The following KCNK2 variants were observed in gnomAD, a reference collection of about 807,000 sequenced individuals.
KCNK2 encodes the protein potassium channel subfamily K member 2.
Under a neutral mutation model 40.5 loss-of-function variants are expected in KCNK2, and 21 were observed. The observed-to-expected ratio is 0.52, with a 90% CI of 0.37 to 0.75. The LOEUF (loss-of-function observed/expected upper bound fraction) is 0.75. KCNK2 is among the 30% of genes least tolerant of loss of function. The pLI, the probability that KCNK2 is intolerant of heterozygous loss-of-function variation, is 0.00. For missense variants in KCNK2, 399 were observed against 531.6 expected, an observed-to-expected ratio of 0.75 and a Z score of 2.45; for synonymous variants, 191 against 202.2, an observed-to-expected ratio of 0.94 and a Z score of 0.47.
chr1:215,015,201 A>T (rs1656544001), intron 1 of KCNK2, among the ~76,000 whole-genome samples: 1 of 152,018 alleles, frequency 6.6e-6, no homozygotes, highest in Non-Finnish European at 1.5e-5. Flanking sequence ...AGTGTCTCAG[A>T]TGTGAATTCT....
At chr1:215,038,518 T>C (rs1331823283) in intron 1 of KCNK2, among the ~76,000 whole-genome samples, 1 of 152,050 alleles carries the variant, frequency 6.6e-6, no homozygotes, top group Non-Finnish European at 1.5e-5. Flanking sequence ...ATCTAGAAAG[T>C]TCTGTCTAAG....
At chr1:215,093,739 TA>T (rs1212500407) in intron 2 of KCNK2, among the ~76,000 whole-genome samples, 5 of 86,022 alleles carry the variant, frequency 5.8e-5, no homozygotes, top group African/African-American at 2.4e-4. Flanking sequence ...TAATATATAA[TA>T]TAAAAATATA....
intron 1 of KCNK2, among the ~76,000 whole-genome samples, chr1:215,057,044 T>C (rs1218977361): frequency 6.6e-6 from 1 of 152,188 alleles, no homozygotes; most frequent in Non-Finnish European, 1.5e-5. Context: ...GTAAGTTTAT[T>C]ACTTTGCCTT....
At chr1:215,212,884 C>A (rs1484567486) in intron 6 of KCNK2, among the ~76,000 whole-genome samples, 1 of 152,242 alleles carries the variant, frequency 6.6e-6, no homozygotes, top group East Asian at 1.9e-4. Context: ...CTACCTCTCT[C>A]TCCCTTTGAC....
intron 1 of KCNK2, among the ~76,000 whole-genome samples, chr1:215,043,154 G>C (rs1394514667): frequency 6.6e-6 from 1 of 152,182 alleles, no homozygotes; most frequent in Non-Finnish European, 1.5e-5. Flanking sequence ...AAATTAAGAA[G>C]TGTTAGAAAA....
chr1:215,139,641 G>C (rs1662084005), intron 3 of KCNK2, among the ~76,000 whole-genome samples: 1 of 152,078 alleles, frequency 6.6e-6, no homozygotes, highest in South Asian at 2.1e-4. Flanking sequence ...AAATTAGCTG[G>C]ACTTGGTGGT....
intron 5 of KCNK2, among the ~76,000 whole-genome samples, chr1:215,190,296 C>T (rs867600922): frequency 3.3e-5 from 5 of 152,164 alleles, no homozygotes; most frequent in African/African-American, 9.6e-5. Context: ...CTCAGACCCA[C>T]GTGGTTTCTA....
intron 3 of KCNK2, among the ~76,000 whole-genome samples, chr1:215,134,621 G>A (rs959506149): frequency 6.6e-6 from 1 of 152,046 alleles, no homozygotes; most frequent in Non-Finnish European, 1.5e-5. Context: ...GGAGAATTGC[G>A]ATGGGGCTGA....
intron 1 of KCNK2, among the ~76,000 whole-genome samples, chr1:215,047,160 T>C (rs1356175349): frequency 3.9e-5 from 6 of 152,116 alleles, no homozygotes. Context: ...ATGTTCTCCT[T>C]GAAAAGATTT....
Position 215,139,904 on chromosome 1 carries a change from A to G in KCNK2, c.475+15154A>G, listed in dbSNP as rs138883365. On this transcript the variant is annotated intron_variant, in intron 3 of 6. Coordinates refer to ENST00000444842, the MANE Select transcript of KCNK2 (RefSeq NM_001017425.3). ...GATTAACATAAAAATAGAATAATAC[A>G]GAAGTGTATAAAAAAGGGAAATAAC... 3.7e-4 allele frequency among the ~76,000 whole-genome samples: 56 copies of G among 152,324 alleles called. 1 individual carries two copies. In the East Asian group the frequency reaches 5.2e-3, roughly 14 times the overall value.
Position 215,177,743 on chromosome 1 carries a change from T to A in KCNK2, c.823+5560T>A, listed in dbSNP as rs866031423. Among the ~76,000 whole-genome samples the A allele has an allele frequency of 2.7e-3, 386 of 145,366 alleles. 2 individuals carry two copies. Among genetic ancestry groups the A allele is most frequent in the South Asian group, 0.014 (66 of 4,718 alleles). On this transcript the variant is annotated intron_variant, in intron 5 of 6. Coordinates refer to ENST00000444842, the MANE Select transcript of KCNK2 (RefSeq NM_001017425.3). ...ATGTGTATATATATATATATATATT[T>A]TTTTTTTTTGTAGCAGTACCATGCT... is the stretch of plus-strand genomic sequence containing the variant.
chr1:215,231,093 G>A (rs1323048070), intron 6 of KCNK2, among the ~76,000 whole-genome samples: 1 of 152,130 alleles, frequency 6.6e-6, no homozygotes, highest in Non-Finnish European at 1.5e-5. Flanking sequence ...TGGTGACTTT[G>A]TGAAACTTCT....
intron 3 of KCNK2, among the ~76,000 whole-genome samples, chr1:215,148,046 G>T (rs533409250): frequency 4.2e-5 from 6 of 141,954 alleles, no homozygotes; most frequent in Admixed American, 3.5e-4. Context: ...GTATTGAAAT[G>T]ATATTTTAAT....
intron 1 of KCNK2, among the ~76,000 whole-genome samples, chr1:215,053,261 C>A (rs1658050061): frequency 6.6e-6 from 1 of 151,916 alleles, no homozygotes; most frequent in Non-Finnish European, 1.5e-5. Flanking sequence ...CTTTCTTATC[C>A]CAGGAAATTC....
intron 2 of KCNK2, among the ~76,000 whole-genome samples, chr1:215,096,985 A>G (rs1280792972): frequency 6.6e-6 from 1 of 151,844 alleles, no homozygotes; most frequent in Non-Finnish European, 1.5e-5. Context: ...ATCCTTAGAG[A>G]TAGAAAACCC....
At chr1:215,031,634 A>T (rs906987160) in intron 1 of KCNK2, among the ~76,000 whole-genome samples, 1 of 139,480 alleles carries the variant, frequency 7.2e-6, no homozygotes, top group African/African-American at 2.4e-5. Context: ...ACAATATGAA[A>T]TCTTAAATAT....
chr1:215,146,722 TCAAA>T (rs1371939742), intron 3 of KCNK2, among the ~76,000 whole-genome samples: 1 of 152,208 alleles, frequency 6.6e-6, no homozygotes, highest in Non-Finnish European at 1.5e-5. Context: ...CGCCTTAATC[TCAAA>T]CACTTGCTCC....
chr1:215,007,037 A>ATATATATGTG (rs1330420661), intron 1 of KCNK2, among the ~76,000 whole-genome samples: 3 of 51,602 alleles, frequency 5.8e-5, no homozygotes, highest in Admixed American at 2.0e-4. Context: ...ATATATATAT[A>ATATATATGTG]TGTGTGTGTG....
rs182918889 is a variant in KCNK2 at position 215,227,620 on chromosome 1, A to G, written c.964-7208A>G. ...TTATGCAGGGGAAAGTACTAGGTCG[A>G]TTTGTGTTCATTACAGGGCAATTTG... is the stretch of plus-strand genomic sequence containing the variant. On this transcript the variant is annotated intron_variant, in intron 6 of 6. Coordinates refer to ENST00000444842, the MANE Select transcript of KCNK2 (RefSeq NM_001017425.3). Among the ~76,000 whole-genome samples the G allele has an allele frequency of 3.3e-5, 5 of 152,188 alleles. No individual in the cohort carries two copies. The East Asian group carries it at 9.7e-4, about 29-fold the overall frequency.
Sources: gnomAD v4.1 joint callset for allele counts (sites outside exome capture counted in the v4.1 genomes callset) on GRCh38, gnomAD v4.1.1 for gene constraint, MANE v1.5 for transcripts, NCBI Gene and HGNC (gene_info 2026-07-23, HGNC 2026-07-21) for gene names.